MIPOL1: variants seen among roughly 807,000 people sequenced by gnomAD.
MIPOL1 encodes the protein mirror-image polydactyly 1, also known as mirror-image polydactyly gene 1 protein.
Under a neutral mutation model 60.9 loss-of-function variants are expected in MIPOL1, and 57 were observed. The ratio of observed to expected loss-of-function variants is 0.94; its 90% CI spans 0.76 to 1.17. The LOEUF (loss-of-function observed/expected upper bound fraction) is 1.17. MIPOL1 is among the 50% of genes most tolerant of loss of function. MIPOL1 has a pLI of 0.00. For missense variants in MIPOL1, 551 were observed against 511.6 expected, an observed-to-expected ratio of 1.08 and a Z score of -0.74; for synonymous variants, 179 against 168.8, an observed-to-expected ratio of 1.06 and a Z score of -0.47.
At chr14:37,309,627 C>T (rs1041819076) in intron 9 of MIPOL1, among the ~76,000 whole-genome samples, 4 of 151,888 alleles carry the variant, frequency 2.6e-5, no homozygotes, top group Non-Finnish European at 5.9e-5. Context: ...TCAAGCTTCC[C>T]GCTTTCTGAC....
intron 1 of MIPOL1, among the ~76,000 whole-genome samples, chr14:37,215,639 A>T (rs1216750528): frequency 6.6e-6 from 1 of 152,230 alleles, no homozygotes; most frequent in Admixed American, 6.5e-5. Flanking sequence ...TTACTCATCA[A>T]TAACAATGTT....
chr14:37,275,680 A>T (rs1035934569), intron 6 of MIPOL1, among the ~76,000 whole-genome samples: 1 of 151,148 alleles, frequency 6.6e-6, no homozygotes, highest in Non-Finnish European at 1.5e-5. Context: ...ATTTTACGTA[A>T]AAGTATTTAA....
At chr14:37,377,116 G>C (rs1457768325) in intron 10 of MIPOL1, among the ~76,000 whole-genome samples, 1 of 152,076 alleles carries the variant, frequency 6.6e-6, no homozygotes, top group African/African-American at 2.4e-5. Context: ...TTCTACCCGG[G>C]AAGGAGTCAG....
chr14:37,243,637 G>A (rs1443895815), intron 1 of MIPOL1, among the ~76,000 whole-genome samples: 1 of 152,070 alleles, frequency 6.6e-6, no homozygotes, highest in African/African-American at 2.4e-5. Flanking sequence ...GAAAAATATG[G>A]CATAAACCAA....
rs538934991 is a variant in MIPOL1, at chr14:37,422,729, GC to G, written c.937-125del. 2.2e-5 allele frequency: 14 copies of G among 632,706 alleles called. No individual in the cohort carries two copies. In the South Asian group the frequency reaches 2.7e-4, roughly 12 times the overall value. The allele number at this position is 632,706 out of a possible 1,614,324, so 39.2% of individuals were successfully genotyped here. On this transcript the variant is annotated intron_variant, in intron 10 of 12. Transcript: ENST00000684589. ...ATTTTCTGGTAACTTATGAGACACT[GC>G]TAAAAACATTCATAGGTTTTTTTTT...
chr14:37,318,157 G>C (rs536865521), intron 9 of MIPOL1, among the ~76,000 whole-genome samples: 1 of 152,220 alleles, frequency 6.6e-6, no homozygotes, highest in Non-Finnish European at 1.5e-5. Context: ...CTAGAATCCT[G>C]GTCAATGATG....
At chr14:37,259,576 CA>C (rs1289295340) in intron 3 of MIPOL1, among the ~76,000 whole-genome samples, 2 of 150,918 alleles carry the variant, frequency 1.3e-5, no homozygotes, top group East Asian at 2.0e-4. Flanking sequence ...TAAAAAAAAA[CA>C]AAAAAAACAT....
intron 11 of MIPOL1, among the ~76,000 whole-genome samples, chr14:37,442,983 A>T (rs1450708934): frequency 6.6e-6 from 1 of 152,182 alleles, no homozygotes; most frequent in Non-Finnish European, 1.5e-5. Flanking sequence ...TCTCAAATTC[A>T]TATGGAAATG....
At chr14:37,333,482 C>G (rs2089889261) in intron 9 of MIPOL1, among the ~76,000 whole-genome samples, 1 of 151,964 alleles carries the variant, frequency 6.6e-6, no homozygotes, top group Admixed American at 6.6e-5. Flanking sequence ...AAAGTCAGGA[C>G]TCAATTATAT....
chr14:37,480,787 G>C (rs1566681984), intron 11 of MIPOL1, among the ~76,000 whole-genome samples: 1 of 151,980 alleles, frequency 6.6e-6, no homozygotes, highest in East Asian at 1.9e-4. Flanking sequence ...GCTGAGAACA[G>C]GATCATAAAC....
chr14:37,387,096 G>C (rs113589039), intron 10 of MIPOL1, among the ~76,000 whole-genome samples: 1,869 of 151,832 alleles, frequency 0.012, 13 homozygotes, highest in Middle Eastern at 0.031. Context: ...TATCCATCTA[G>C]GTGAAGAATG....
chr14:37,511,217 T>C (rs1232685760), intron 12 of MIPOL1, among the ~76,000 whole-genome samples: 3 of 152,212 alleles, frequency 2.0e-5, no homozygotes, highest in African/African-American at 4.8e-5. Context: ...AGTCAGTGCA[T>C]GCCATACCTC....
At chr14:37,205,716 G>T (rs2139185498) in intron 1 of MIPOL1, among the ~76,000 whole-genome samples, 1 of 152,250 alleles carries the variant, frequency 6.6e-6, no homozygotes, top group South Asian at 2.1e-4. Flanking sequence ...AGAACTTGCG[G>T]TGTTTGGTTT....
rs563601488 is a variant in MIPOL1, at chr14:37,463,400, G to GA, written c.1032-36503dup. 1.7e-3 allele frequency among the ~76,000 whole-genome samples: 265 copies of GA among 152,218 alleles called. 1 individual carries two copies. Among genetic ancestry groups the GA allele is most frequent in the Admixed American group, 4.8e-3 (73 of 15,296 alleles). On this transcript the variant is annotated intron_variant, in intron 11 of 12. Transcript: ENST00000684589. ...GAGCCAAATTATATCAGTACAGATA[G>GA]AAAAATAGACATATAGATCAATGGA...
chr14:37,501,501 AC>A (rs2095214699), intron 12 of MIPOL1: 1 of 152,220 alleles, frequency 6.6e-6, no homozygotes, highest in Admixed American at 6.5e-5. Flanking sequence ...TGTGTTATCA[AC>A]CTTTTATTTT....
intron 10 of MIPOL1, chr14:37,385,507 G>T (rs1489679959): frequency 6.6e-6 from 1 of 152,112 alleles, no homozygotes; most frequent in Non-Finnish European, 1.5e-5. Context: ...TTCAGAATCT[G>T]CCTGAAAGTG....
At chr14:37,355,378 A>G (rs1175265449) in intron 9 of MIPOL1, among the ~76,000 whole-genome samples, 242 of 134,976 alleles carry the variant, frequency 1.8e-3, no homozygotes, top group Non-Finnish European at 2.0e-3. Context: ...TCTGACAATT[A>G]TGTGTCTTGG....
intron 12 of MIPOL1, among the ~76,000 whole-genome samples, chr14:37,509,249 TCCTG>T (rs1426144226): frequency 2.6e-5 from 4 of 152,062 alleles, no homozygotes; most frequent in African/African-American, 9.7e-5. Flanking sequence ...GAAAGTAAAG[TCCTG>T]CCCATTCTCC....
At chr14:37,336,883 C>G (rs1054962472) in intron 9 of MIPOL1, among the ~76,000 whole-genome samples, 3 of 152,024 alleles carry the variant, frequency 2.0e-5, no homozygotes, top group Non-Finnish European at 4.4e-5. Context: ...GCCTCAGCCT[C>G]CCGAGTAGCT....
Sources: allele counts gnomAD v4.1 joint callset (sites outside exome capture counted in the v4.1 genomes callset), GRCh38; gene constraint gnomAD v4.1.1; transcripts MANE v1.5; gene names NCBI Gene and HGNC (gene_info 2026-07-23, HGNC 2026-07-21).